The following CLIC5 variants were observed in gnomAD, a reference collection of about 807,000 sequenced individuals.
CLIC5 encodes chloride intracellular channel protein 5.
Under a neutral mutation model 24.7 loss-of-function variants are expected in CLIC5, and 20 were observed. That is an observed-to-expected ratio of 0.81 (90% CI 0.57 to 1.18). The LOEUF is 1.18. Among genes scored for constraint, CLIC5 ranks in the 50% most tolerant of loss-of-function variants. The pLI is 0.00. For missense variants in CLIC5, 341 were observed against 326.1 expected (o/e 1.05, Z -0.35); for synonymous variants, 159 against 135.6 (o/e 1.17, Z -1.20).
intron 1 of CLIC5, among the ~76,000 whole-genome samples, chr6:46,031,538 A>T (rs1767497873): frequency 6.6e-6 from 1 of 152,156 alleles, no homozygotes; most frequent in South Asian, 2.1e-4. Flanking sequence ...GTAAGTCTGC[A>T]ATGTGGGTAG....
At chr6:45,919,476 T>C (rs1763165403) in intron 4 of CLIC5, among the ~76,000 whole-genome samples, 1 of 152,136 alleles carries the variant, frequency 6.6e-6, no homozygotes, top group African/African-American at 2.4e-5. Flanking sequence ...CATGCTCTAG[T>C]TCCCTGACCC....
At chr6:45,924,256 C>T (rs1763387928) in intron 4 of CLIC5, among the ~76,000 whole-genome samples, 1 of 152,174 alleles carries the variant, frequency 6.6e-6, no homozygotes, top group Non-Finnish European at 1.5e-5. Flanking sequence ...ACAGCCAGAA[C>T]CACAGTCCCC....
At chr6:46,007,418 A>G (rs1254287216) in intron 1 of CLIC5, among the ~76,000 whole-genome samples, 1 of 152,190 alleles carries the variant, frequency 6.6e-6, no homozygotes, top group Admixed American at 6.5e-5. Flanking sequence ...TGGTGCCCCT[A>G]ATATACACTA....
intron 1 of CLIC5, among the ~76,000 whole-genome samples, chr6:45,993,135 C>A (rs1385252143): frequency 6.6e-6 from 1 of 152,194 alleles, no homozygotes; most frequent in Non-Finnish European, 1.5e-5. Flanking sequence ...GCACACTGGG[C>A]ATGACCTGTT....
intron 4 of CLIC5, among the ~76,000 whole-genome samples, chr6:45,915,934 G>C (rs1439722335): frequency 6.6e-6 from 1 of 152,172 alleles, no homozygotes; most frequent in Non-Finnish European, 1.5e-5. Context: ...TTTAGAGCCT[G>C]ACACTGAGAT....
At chr6:46,104,263 G>A in the CLIC5 span, among the ~76,000 whole-genome samples, 2 of 152,058 alleles carry the variant, frequency 1.3e-5, no homozygotes, top group African/African-American at 4.8e-5. Context: ...CTTGTTTTAT[G>A]TCCATGAGAG....
At chr6:45,927,367 T>C (rs1248246039) in intron 4 of CLIC5, among the ~76,000 whole-genome samples, 2 of 152,056 alleles carry the variant, frequency 1.3e-5, no homozygotes, top group South Asian at 2.1e-4. Context: ...TTGCCCCAGA[T>C]CCACTACCTC....
chr6:46,000,574 A>T (rs1283950126), intron 1 of CLIC5, among the ~76,000 whole-genome samples: 1 of 152,220 alleles, frequency 6.6e-6, no homozygotes, highest in African/African-American at 2.4e-5. Context: ...TGGGTAATTT[A>T]TAAAGAAAAG....
chr6:46,094,393 G>T, the CLIC5 span, among the ~76,000 whole-genome samples: 1 of 152,170 alleles, frequency 6.6e-6, no homozygotes, highest in Non-Finnish European at 1.5e-5. Context: ...GACAAGGGTA[G>T]TCCCTTCCAC....
intron 4 of CLIC5, among the ~76,000 whole-genome samples, chr6:45,936,282 G>C (rs1046815931): frequency 6.5e-5 from 9 of 139,088 alleles, no homozygotes; most frequent in African/African-American, 2.5e-4. Context: ...TCGGCTCACT[G>C]CAACCTCCGC....
upstream of CLIC5, among the ~76,000 whole-genome samples, chr6:46,020,528 C>G (rs888164653): frequency 6.6e-6 from 1 of 151,628 alleles, no homozygotes; most frequent in Non-Finnish European, 1.5e-5. Context: ...GAAAAAAGAA[C>G]AGCCAGCTAA....
chr6:45,916,502 T>A (rs752855271), intron 4 of CLIC5, among the ~76,000 whole-genome samples: 4 of 152,144 alleles, frequency 2.6e-5, no homozygotes, highest in Non-Finnish European at 5.9e-5. Flanking sequence ...AAAGGAAGAA[T>A]CAAATACTGG....
intron 5 of CLIC5, chr6:45,913,851 A>G: frequency 8.2e-7 from 1 of 1,219,632 alleles, no homozygotes; most frequent in Non-Finnish European, 1.0e-6. Context: ...GGCACATTTA[A>G]TAGAGCTGTA....
chr6:45,987,594 G>T (rs6921959), intron 1 of CLIC5, among the ~76,000 whole-genome samples: 76,493 of 152,044 alleles, frequency 0.5, 20,090 homozygotes, highest in East Asian at 0.77. Context: ...AACAACAAAA[G>T]AATTATTTTT....
chr6:46,023,563 T>C (rs1180587509), intron 1 of CLIC5, among the ~76,000 whole-genome samples: 7 of 152,106 alleles, frequency 4.6e-5, no homozygotes, highest in Non-Finnish European at 7.4e-5. Flanking sequence ...GGAGTTCTCC[T>C]TTACTCTGCT....
Position 45,884,117 on chromosome 6 carries a change from G to A in CLIC5, c.624-2929C>T, listed in dbSNP as rs142161812. On this transcript the variant is annotated intron_variant, in intron 6 of 6. Transcript: ENST00000644324. ...CAGAAGCTCAGTGATGCCTCCAGGG[G>A]CCTGGGCTCCTTCCATCCCTCTACT... Among the ~76,000 whole-genome samples the A allele has an allele frequency of 4.4e-3, 671 of 152,288 alleles. 5 individuals carry two copies. Among genetic ancestry groups the A allele is most frequent in the African/African-American group, 0.015 (619 of 41,562 alleles).
chr6:46,109,084 A>G, the CLIC5 span, among the ~76,000 whole-genome samples: 1 of 152,140 alleles, frequency 6.6e-6, no homozygotes, highest in Non-Finnish European at 1.5e-5. Context: ...AATAATTATG[A>G]TTATTACATT....
intron 1 of CLIC5, among the ~76,000 whole-genome samples, chr6:46,022,173 GTGTT>G (rs1208658331): frequency 1.2e-4 from 18 of 152,166 alleles, no homozygotes; most frequent in South Asian, 6.2e-4. Flanking sequence ...TTTAGACAGT[GTGTT>G]TGTGTGTGTG....
At chr6:46,004,465 A>G (rs1766471175) in intron 1 of CLIC5, among the ~76,000 whole-genome samples, 1 of 152,184 alleles carries the variant, frequency 6.6e-6, no homozygotes, top group African/African-American at 2.4e-5. Context: ...GGCTGACTGT[A>G]GAGAGCCCAG....
Sources: gnomAD v4.1 joint callset for allele counts (sites outside exome capture counted in the v4.1 genomes callset) on GRCh38, gnomAD v4.1.1 for gene constraint, MANE v1.5 for transcripts, NCBI Gene and HGNC (gene_info 2026-07-23, HGNC 2026-07-21) for gene names.